Variants in DAPK2 observed in about 807,000 individuals in gnomAD.
The protein encoded by DAPK2 is death-associated protein kinase 2.
In DAPK2, 35 loss-of-function variants were observed where a neutral mutation model predicts 44.1. The ratio of observed to expected loss-of-function variants is 0.79; its 90% CI spans 0.61 to 1.05. The LOEUF (loss-of-function observed/expected upper bound fraction) is 1.05. Among genes scored for constraint, DAPK2 ranks in the 50% least tolerant of loss-of-function variants. The pLI is 0.00. For synonymous variants in DAPK2, 174 were observed against 182.6 expected (o/e 0.95, Z 0.38); for missense variants, 453 against 483.2 (o/e 0.94, Z 0.59).
At chr15:63,922,822 G>A in intron 8 of DAPK2, 1 of 1,535,858 alleles carries the variant, frequency 6.5e-7, no homozygotes, top group Non-Finnish European at 8.7e-7. Context: ...GGTAGAATGT[G>A]GAGCCCAGGC....
Position 63,941,589 on chromosome 15 carries a change from CT to C in DAPK2, c.454-2229del, listed in dbSNP as rs142286218. Among the ~76,000 whole-genome samples, 355 of 152,326 alleles carry C rather than the reference CT, an allele frequency of 2.3e-3. 5 individuals are homozygous for C. Among genetic ancestry groups the C allele is most frequent in the African/African-American group, 8.2e-3 (341 of 41,556 alleles). On this transcript the variant is annotated intron_variant, in intron 3 of 10. Transcript: ENST00000261891. ...GTGACCTTCCAGCTGGAAACTTCCACTCAAGGGAGCTGACTGAGGCCTTCCT... is the reference window on the plus strand; with the variant it reads ...GTGACCTTCCAGCTGGAAACTTCCACCAAGGGAGCTGACTGAGGCCTTCCT...
chr15:64,010,814 T>A lies in DAPK2; in HGVS notation c.93-27060A>T, dbSNP rs750591113. Reference sequence around the variant, plus strand: ...CAGCTCTGCATGTCAGTGGGTGGGGTGGGTTTGTGTGTAGAACAGCAGCCG... The same window carrying A: ...CAGCTCTGCATGTCAGTGGGTGGGGAGGGTTTGTGTGTAGAACAGCAGCCG... On this transcript the variant is annotated intron_variant, in intron 1 of 10. Coordinates refer to ENST00000261891, the Ensembl canonical transcript of DAPK2. Among the ~76,000 whole-genome samples the A allele has an allele frequency of 7.1e-4, 108 of 151,970 alleles. 1 individual carries two copies. Among genetic ancestry groups the A allele is most frequent in the Non-Finnish European group, 4.3e-4 (29 of 67,996 alleles).
chr15:63,977,906 G>C (rs1279914759), intron 2 of DAPK2, among the ~76,000 whole-genome samples: 1 of 152,188 alleles, frequency 6.6e-6, no homozygotes, highest in Admixed American at 6.5e-5. Flanking sequence ...TACAAAGCCT[G>C]AGGTGCTGAT....
chr15:63,932,914 C>T (rs1682964229), intron 4 of DAPK2, among the ~76,000 whole-genome samples: 1 of 152,220 alleles, frequency 6.6e-6, no homozygotes, highest in South Asian at 2.1e-4. Context: ...TACATTTTCA[C>T]TGCTATACGG....
chr15:63,919,332 T>G (rs2079011140), intron 8 of DAPK2: 1 of 152,092 alleles, frequency 6.6e-6, no homozygotes, highest in South Asian at 2.1e-4. Context: ...CCACTTAGAG[T>G]TCGGAGTCCA....
chr15:63,937,171 C>T (rs1229612019), intron 4 of DAPK2, among the ~76,000 whole-genome samples: 1 of 152,000 alleles, frequency 6.6e-6, no homozygotes, highest in Non-Finnish European at 1.5e-5. Flanking sequence ...AAAGTCATCA[C>T]AATTTAGCCA....
chr15:63,962,014 C>A (rs947755047), intron 3 of DAPK2, among the ~76,000 whole-genome samples: 21 of 152,140 alleles, frequency 1.4e-4, no homozygotes, highest in African/African-American at 4.8e-4. Flanking sequence ...TCACGTAGTC[C>A]ATATTTCTTG....
intron 8 of DAPK2, chr15:63,922,875 C>A: frequency 1.3e-6 from 2 of 1,535,920 alleles, no homozygotes; most frequent in Non-Finnish European, 1.7e-6. Flanking sequence ...CCCACCAGCT[C>A]CTGAATCCAC....
chr15:63,982,135 A>G (rs992411946), intron 2 of DAPK2, among the ~76,000 whole-genome samples: 3 of 150,596 alleles, frequency 2.0e-5, no homozygotes, highest in African/African-American at 4.9e-5. Context: ...GAGAGATTCT[A>G]TCACTCCCGC....
At chr15:63,961,724 C>T (rs1488960339) in intron 3 of DAPK2, among the ~76,000 whole-genome samples, 5 of 152,284 alleles carry the variant, frequency 3.3e-5, no homozygotes, top group East Asian at 1.9e-4. Context: ...GTTAGTCTGA[C>T]GGGCTTCCCT....
chr15:64,008,754 G>T (rs2079307111), intron 1 of DAPK2, among the ~76,000 whole-genome samples: 1 of 152,190 alleles, frequency 6.6e-6, no homozygotes, highest in South Asian at 2.1e-4. Context: ...ATAGTTGAGT[G>T]AAACTTTTCC....
intron 3 of DAPK2, among the ~76,000 whole-genome samples, chr15:63,960,944 G>A (rs759928069): frequency 6.6e-6 from 1 of 152,114 alleles, no homozygotes; most frequent in Non-Finnish European, 1.5e-5. Flanking sequence ...GTTGACAGCG[G>A]GGTGTTAAAT....
chr15:63,929,453 G>A (rs1292402788), intron 6 of DAPK2, 98 bp downstream of exon 7: 5 of 1,475,130 alleles, frequency 3.4e-6, no homozygotes, highest in African/African-American at 1.4e-5. Context: ...TATGGTGGGT[G>A]CTTAGTAAAT....
At chr15:63,956,574 T>C (rs945052465) in intron 3 of DAPK2, among the ~76,000 whole-genome samples, 1 of 152,046 alleles carries the variant, frequency 6.6e-6, no homozygotes, top group African/African-American at 2.4e-5. Flanking sequence ...AGATACTTGA[T>C]ATGATTTCAA....
In DAPK2 at chr15:64,036,262, AATAT is replaced by A. The variant is rs55776324; in HGVS notation, c.92+3904_92+3907del. Among the ~76,000 whole-genome samples, 184 of 84,226 alleles carry A rather than the reference AATAT, an allele frequency of 2.2e-3. 2 individuals carry two copies. Among genetic ancestry groups the A allele is most frequent in the African/African-American group, 6.6e-3 (170 of 25,664 alleles). The allele number at this position is 84,226 out of a possible 152,430, so 55.3% of individuals were successfully genotyped here. ...GCGACAGAGTGAAACTCCATCTCAA[AATAT>A]ATATATATGTGTGTGTGTGTGTGTG... On this transcript the variant is annotated intron_variant, in intron 1 of 10. Coordinates refer to ENST00000261891, the Ensembl canonical transcript of DAPK2.
chr15:64,010,050 G>C (rs536963877), intron 1 of DAPK2, among the ~76,000 whole-genome samples: 3 of 152,308 alleles, frequency 2.0e-5, no homozygotes, highest in African/African-American at 7.2e-5. Flanking sequence ...GTTCTCTGTA[G>C]CACCTGATGG....
chr15:64,025,205 CA>C (rs1160485440), intron 1 of DAPK2, among the ~76,000 whole-genome samples: 1 of 152,164 alleles, frequency 6.6e-6, no homozygotes, highest in East Asian at 1.9e-4. Flanking sequence ...AGACACTTAC[CA>C]AGGTAAGTTA....
intron 1 of DAPK2, chr15:63,991,335 G>C: frequency 4.4e-6 from 2 of 456,140 alleles, no homozygotes; most frequent in South Asian, 3.1e-5. Flanking sequence ...TGGAACAACA[G>C]AATGCCAGCC....
In DAPK2 at chr15:64,020,975, A is replaced by C. The variant is rs181099373; in HGVS notation, c.92+19195T>G. Among the ~76,000 whole-genome samples the C allele has an allele frequency of 1.6e-4, 24 of 152,342 alleles. No individual in the cohort carries two copies. The highest frequency in any genetic ancestry group is 3.4e-3 in the Middle Eastern group (1 of 294). ...GTATTGGTAGCCAAAGTGGGATATG[A>C]AGCAAGTTCTTTACTCCAAGTCCGT... On this transcript the variant is annotated intron_variant, in intron 1 of 10. Transcript: ENST00000261891. The surrounding 1 kb of genome is among the most constrained non-coding windows in gnomAD (Gnocchi z 4.5).
Sources: gnomAD v4.1 joint callset for allele counts (sites outside exome capture counted in the v4.1 genomes callset) on GRCh38, gnomAD v4.1.1 for gene constraint, Gnocchi (gnomAD v3.1) non-coding constraint, MANE v1.5 for transcripts, NCBI Gene and HGNC (gene_info 2026-07-23, HGNC 2026-07-21) for gene names.